Variants in LRFN5 observed in about 807,000 individuals in gnomAD.
LRFN5 encodes leucine-rich repeat and fibronectin type-III domain-containing protein 5.
Under a neutral mutation model 45.6 loss-of-function variants are expected in LRFN5, and 24 were observed. The observed-to-expected ratio is 0.53, with a 90% CI of 0.38 to 0.74. LRFN5 has a LOEUF of 0.74. Ranked by LOEUF, LRFN5 falls within the 30% of genes least tolerant of loss-of-function variation. The pLI, the probability that LRFN5 is intolerant of heterozygous loss-of-function variation, is 0.00. For missense variants in LRFN5, 776 were observed against 861.5 expected (o/e 0.90, Z 1.24); for synonymous variants, 340 against 313.8 (o/e 1.08, Z -0.88).
chr14:41,670,284 T>C (rs1881134122), intron 1 of LRFN5, among the ~76,000 whole-genome samples: 1 of 84,608 alleles, frequency 1.2e-5, no homozygotes, highest in Non-Finnish European at 2.1e-5. Context: ...TATATATATA[T>C]ATATATATAT....
intron 1 of LRFN5, among the ~76,000 whole-genome samples, chr14:41,757,022 C>T (rs952177863): frequency 6.6e-6 from 1 of 152,184 alleles, no homozygotes; most frequent in East Asian, 1.9e-4. Context: ...TGGAGGTCCA[C>T]TCCAGATCCT....
chr14:41,847,909 A>G (rs1889124884), intron 2 of LRFN5, among the ~76,000 whole-genome samples: 1 of 152,164 alleles, frequency 6.6e-6, no homozygotes, highest in Non-Finnish European at 1.5e-5. Flanking sequence ...CACTTTCTCA[A>G]TGACCACAAG....
At chr14:41,643,266 T>A (rs1408277515) in intron 1 of LRFN5, among the ~76,000 whole-genome samples, 1 of 152,076 alleles carries the variant, frequency 6.6e-6, no homozygotes. Flanking sequence ...CCAAACTGTT[T>A]GAGTGAATAA....
intron 1 of LRFN5, among the ~76,000 whole-genome samples, chr14:41,672,691 T>C (rs1185394257): frequency 1.3e-5 from 2 of 152,218 alleles, no homozygotes; most frequent in Non-Finnish European, 2.9e-5. Context: ...ATGAAACTCA[T>C]TGAATCTCCC....
chr14:41,888,877 C>A (rs1444879165), intron 3 of LRFN5, among the ~76,000 whole-genome samples: 1 of 151,710 alleles, frequency 6.6e-6, no homozygotes, highest in African/African-American at 2.4e-5. Flanking sequence ...CATATTTTTA[C>A]CCTTTCATAT....
In LRFN5 at chr14:41,728,430, C is replaced by T. The variant is rs144723539; in HGVS notation, c.-196-38424C>T. On this transcript the variant is annotated intron_variant, in intron 1 of 5. Transcript: ENST00000298119. ...CAAAGACTCTCAAGGAAAAAGAAAA[C>T]ACACACATCTTTGTCTTTCCATTTC... 2.6e-5 allele frequency among the ~76,000 whole-genome samples: 4 copies of T among 152,220 alleles called. No individual in the cohort carries two copies. In the East Asian group the frequency reaches 7.7e-4, roughly 29 times the overall value.
intron 1 of LRFN5, among the ~76,000 whole-genome samples, chr14:41,652,508 A>C (rs1880176757): frequency 6.6e-6 from 1 of 152,188 alleles, no homozygotes; most frequent in Admixed American, 6.6e-5. Context: ...TGTGCAAGCC[A>C]ATCAATAAAA....
chr14:41,809,695 A>G (rs1167912280), intron 2 of LRFN5, among the ~76,000 whole-genome samples: 1 of 151,484 alleles, frequency 6.6e-6, no homozygotes, highest in African/African-American at 2.4e-5. Context: ...TTTATATTTA[A>G]TATTTATTCT....
Position 41,886,812 on chromosome 14 carries a change from G to T in LRFN5, c.187G>T (p.Val63Phe). The T allele has an allele frequency of 6.8e-6, 11 of 1,613,982 alleles. No homozygotes were observed. The highest frequency in any genetic ancestry group is 5.9e-6 in the Non-Finnish European group (7 of 1,179,984). Reference sequence around the variant, plus strand: ...GGAACTGCGGTTGGCAGACAATTTTGTTACAAATATTAAAAGGAAAGATTT... The same window carrying T: ...GGAACTGCGGTTGGCAGACAATTTTTTTACAAATATTAAAAGGAAAGATTT... ...TVELRLADNF[V>F]TNIKRKDFAN... The change falls in exon 3 of 6, where the codon GTT (valine) becomes TTT (phenylalanine). Residue 63 changes from valine (V) to phenylalanine (F), a missense_variant. Around this residue, in one of 2 missense-constraint regions of LRFN5, gnomAD observed 311 missense variants for 405.1 expected, o/e 0.77. Transcript: ENST00000298119.
At chr14:41,677,383 A>C (rs955432625) in intron 1 of LRFN5, among the ~76,000 whole-genome samples, 2 of 152,172 alleles carry the variant, frequency 1.3e-5, no homozygotes, top group Admixed American at 6.5e-5. Flanking sequence ...ACACACATAC[A>C]CACACATCAG....
chr14:41,835,638 G>T (rs748587184), intron 2 of LRFN5, among the ~76,000 whole-genome samples: 6 of 152,026 alleles, frequency 3.9e-5, no homozygotes, highest in Non-Finnish European at 7.4e-5. Flanking sequence ...AGGTGGGAGG[G>T]TCGCTTGAGC....
intron 2 of LRFN5, among the ~76,000 whole-genome samples, chr14:41,792,971 G>T (rs1886982229): frequency 6.7e-6 from 1 of 149,568 alleles, no homozygotes; most frequent in Non-Finnish European, 1.5e-5. Flanking sequence ...ACATAGGAAG[G>T]GGAACATCAC....
At chr14:41,792,989 G>A (rs1293942873) in intron 2 of LRFN5, among the ~76,000 whole-genome samples, 1 of 148,548 alleles carries the variant, frequency 6.7e-6, no homozygotes, top group Non-Finnish European at 1.5e-5. Flanking sequence ...CACACTCTGG[G>A]GACTGTTGTG....
chr14:41,660,142 C>G (rs1000042995), intron 1 of LRFN5, among the ~76,000 whole-genome samples: 8 of 152,090 alleles, frequency 5.3e-5, no homozygotes, highest in Non-Finnish European at 1.2e-4. Flanking sequence ...TCTTCTGCCC[C>G]AGCCTCCTGA....
intron 5 of LRFN5, among the ~76,000 whole-genome samples, chr14:41,899,263 G>T (rs1030802274): frequency 6.6e-6 from 1 of 152,088 alleles, no homozygotes; most frequent in African/African-American, 2.4e-5. Context: ...GATACAATGT[G>T]CATTTTTACA....
chr14:41,801,295 A>C (rs985029213), intron 2 of LRFN5, among the ~76,000 whole-genome samples: 2 of 152,146 alleles, frequency 1.3e-5, no homozygotes, highest in African/African-American at 4.8e-5. Flanking sequence ...ATGTTTGTAA[A>C]GCACTTAGAT....
chr14:41,719,045 A>C (rs1431869391), intron 1 of LRFN5, among the ~76,000 whole-genome samples: 2 of 152,170 alleles, frequency 1.3e-5, no homozygotes, highest in African/African-American at 4.8e-5. Context: ...GTACCAGAAA[A>C]GAAAAATCTG....
chr14:41,812,042 G>A (rs189701783), intron 2 of LRFN5, among the ~76,000 whole-genome samples: 68 of 152,116 alleles, frequency 4.5e-4, no homozygotes, highest in African/African-American at 1.6e-3. Flanking sequence ...AGCACAAAGC[G>A]TGAAAAGTTA....
chr14:41,869,195 C>G (rs1167246959), intron 2 of LRFN5, among the ~76,000 whole-genome samples: 1 of 152,100 alleles, frequency 6.6e-6, no homozygotes, highest in Non-Finnish European at 1.5e-5. Context: ...GAGTGGGCAA[C>G]TTGGTTGTTT....
Sources: allele counts gnomAD v4.1 joint callset (sites outside exome capture counted in the v4.1 genomes callset), GRCh38; gene constraint gnomAD v4.1.1; regional missense constraint gnomAD v4.1.1; transcripts MANE v1.5; gene names NCBI Gene and HGNC (gene_info 2026-07-23, HGNC 2026-07-21).